Variants in MTHFD1L observed in about 807,000 individuals in gnomAD.
MTHFD1L encodes monofunctional C1-tetrahydrofolate synthase, mitochondrial.
In MTHFD1L, 81 loss-of-function variants were observed where a neutral mutation model predicts 119.5. The ratio of observed to expected loss-of-function variants is 0.68; its 90% CI spans 0.57 to 0.82. The LOEUF (loss-of-function observed/expected upper bound fraction) is 0.82. MTHFD1L is among the 40% of genes least tolerant of loss of function. MTHFD1L has a pLI of 0.00. For missense variants in MTHFD1L, 1,125 were observed against 1,253.4 expected (o/e 0.90, Z 1.55); for synonymous variants, 430 against 475.2 (o/e 0.90, Z 1.24).
At chr6:151,015,415 T>C (rs1782905788) in intron 23 of MTHFD1L, 101 bp from the exon 24 acceptor site, 18 of 1,287,442 alleles carry the variant, frequency 1.4e-5, no homozygotes, top group Non-Finnish European at 1.8e-5. Context: ...TTAAAATGTA[T>C]TCAGTGTTAG....
At chr6:150,992,974 C>T (rs906530742) in intron 20 of MTHFD1L, among the ~76,000 whole-genome samples, 1 of 152,128 alleles carries the variant, frequency 6.6e-6, no homozygotes, top group Non-Finnish European at 1.5e-5. Flanking sequence ...CTGTGATGCT[C>T]GGTTAAGTTT....
chr6:151,060,335 C>G (rs1032365913), intron 26 of MTHFD1L, among the ~76,000 whole-genome samples: 17 of 152,234 alleles, frequency 1.1e-4, no homozygotes, highest in African/African-American at 3.1e-4. Context: ...GCAAATGCCT[C>G]ATTTCTGATT....
chr6:151,014,530 C>T (rs907121123), intron 22 of MTHFD1L, among the ~76,000 whole-genome samples: 2 of 152,192 alleles, frequency 1.3e-5, no homozygotes, highest in Non-Finnish European at 2.9e-5. Flanking sequence ...CTACAGGTGG[C>T]GCCAGGGATC....
intron 8 of MTHFD1L, among the ~76,000 whole-genome samples, chr6:150,910,763 C>T (rs1352923799): frequency 6.6e-6 from 1 of 152,084 alleles, no homozygotes; most frequent in African/African-American, 2.4e-5. Context: ...CCACTTCCTG[C>T]ATTCCTCCCT....
intron 1 of MTHFD1L, among the ~76,000 whole-genome samples, chr6:150,871,646 C>G (rs766395723): frequency 6.6e-6 from 1 of 150,778 alleles, no homozygotes; most frequent in Admixed American, 6.6e-5. Context: ...AGACTACAGG[C>G]GCCTGCCACC....
At chr6:151,049,373 TC>T (rs1004717892) in intron 26 of MTHFD1L, among the ~76,000 whole-genome samples, 61 of 151,812 alleles carry the variant, frequency 4.0e-4, no homozygotes, top group East Asian at 3.7e-3. Context: ...ACGCCTGTAG[TC>T]CCAGCTACTC....
intron 1 of MTHFD1L, among the ~76,000 whole-genome samples, chr6:150,868,089 C>G (rs1043088936): frequency 6.6e-6 from 1 of 151,996 alleles, no homozygotes; most frequent in Non-Finnish European, 1.5e-5. Context: ...CGTGACCCAC[C>G]GCGCCTGGGC....
At chr6:150,906,451 A>G (rs1256985295) in intron 8 of MTHFD1L, among the ~76,000 whole-genome samples, 5 of 152,192 alleles carry the variant, frequency 3.3e-5, no homozygotes, top group Admixed American at 3.3e-4. Context: ...TCCTTTTTCC[A>G]GTTCGTAGAA....
At chr6:150,867,215 G>A (rs1778536263) in intron 1 of MTHFD1L, among the ~76,000 whole-genome samples, 1 of 152,112 alleles carries the variant, frequency 6.6e-6, no homozygotes, top group East Asian at 1.9e-4. Flanking sequence ...TTTTAGAAAT[G>A]GAGTCTCGCT....
intron 18 of MTHFD1L, among the ~76,000 whole-genome samples, chr6:150,961,655 A>C (rs1796478018): frequency 6.6e-6 from 1 of 152,204 alleles, no homozygotes; most frequent in Admixed American, 6.5e-5. Flanking sequence ...TTCTTTTTCA[A>C]AGTGTCCGGA....
rs143710219 is a variant in MTHFD1L, at chr6:151,052,328, C to T, written c.2847+15211C>T. On this transcript the variant is annotated intron_variant, in intron 26 of 27. Coordinates refer to ENST00000367321, the MANE Select transcript of MTHFD1L (RefSeq NM_015440.5). ...TTCCATCCAGTTCAAAACATTCTTG[C>T]GTGTCTGCTATGCACTGTGCACTGA... Among the ~76,000 whole-genome samples, 1,229 of 152,230 alleles carry T rather than the reference C, an allele frequency of 8.1e-3. 22 individuals are homozygous for T. The highest frequency in any genetic ancestry group is 0.028 in the African/African-American group (1,159 of 41,530).
intron 20 of MTHFD1L, among the ~76,000 whole-genome samples, chr6:150,975,483 A>G (rs1402205486): frequency 1.3e-5 from 2 of 152,176 alleles, no homozygotes; most frequent in Non-Finnish European, 2.9e-5. Flanking sequence ...TCTCATTCTC[A>G]GTTAATATCT....
intron 26 of MTHFD1L, among the ~76,000 whole-genome samples, chr6:151,064,861 G>A (rs2128607054): frequency 6.6e-6 from 1 of 151,222 alleles, no homozygotes; most frequent in East Asian, 2.0e-4. Flanking sequence ...GGAGTGCAGT[G>A]GTGTGATCTT....
intron 7 of MTHFD1L, 34 bp downstream of exon 7, chr6:150,888,015 G>T: frequency 1.3e-6 from 2 of 1,570,302 alleles, no homozygotes. Context: ...CATCTTGAAG[G>T]CTTCTGTTAG....
At chr6:151,041,560 CAGAA>C (rs1190763787) in intron 26 of MTHFD1L, among the ~76,000 whole-genome samples, 2 of 152,186 alleles carry the variant, frequency 1.3e-5, no homozygotes, top group African/African-American at 2.4e-5. Context: ...ACCTCAGGAT[CAGAA>C]AGCCTCCCAT....
At chr6:151,074,514 A>G (rs373871356) in intron 26 of MTHFD1L, among the ~76,000 whole-genome samples, 3 of 152,344 alleles carry the variant, frequency 2.0e-5, no homozygotes, top group African/African-American at 7.2e-5. Flanking sequence ...CTTAGGCTAT[A>G]TGTGAAGTAG....
At chr6:150,921,130 A>G (rs1217721452) in intron 9 of MTHFD1L, among the ~76,000 whole-genome samples, 3 of 139,638 alleles carry the variant, frequency 2.1e-5, no homozygotes, top group Non-Finnish European at 4.6e-5. Flanking sequence ...AATTTTTTGT[A>G]TTTTTTGAGA....
At chr6:150,978,830 T>C (rs948259683) in intron 20 of MTHFD1L, among the ~76,000 whole-genome samples, 3 of 152,112 alleles carry the variant, frequency 2.0e-5, no homozygotes, top group African/African-American at 7.2e-5. Flanking sequence ...AGAGAGTAAG[T>C]GACAGAGGAC....
In MTHFD1L at chr6:150,960,368, G is replaced by C. The variant is rs778664096; in HGVS notation, c.1897G>C (p.Val633Leu). Reference protein sequence around the residue: ...ADMKARLGRMVVASDKSGQPV... With the variant: ...ADMKARLGRMLVASDKSGQPV... ...CATGAAGGCACGGCTGGGAAGGATG[G>C]TGGTGGCCAGTGACAAAAGCGGGCA... is the stretch of plus-strand genomic sequence containing the variant. Residue 633 changes from valine to leucine, a missense_variant, in exon 18 of 28, where the codon GTG (valine) becomes CTG (leucine). Physicochemically the swap from Val to Leu is conservative, Grantham distance 32. Around this residue, in one of 3 missense-constraint regions of MTHFD1L, gnomAD observed 1,058 missense variants for 1,151.2 expected, o/e 0.92. Transcript: ENST00000367321. 3 of 1,613,866 alleles carry C rather than the reference G, an allele frequency of 1.9e-6. No homozygotes were observed. In the South Asian group the frequency reaches 3.3e-5, roughly 18 times the overall value.
Sources: gnomAD v4.1 joint callset for allele counts (sites outside exome capture counted in the v4.1 genomes callset) on GRCh38, gnomAD v4.1.1 for gene constraint, gnomAD v4.1.1 regional missense constraint, MANE v1.5 for transcripts, NCBI Gene and HGNC (gene_info 2026-07-23, HGNC 2026-07-21) for gene names.